The following PTPN5 variants were observed in gnomAD, a reference collection of about 807,000 sequenced individuals.
The protein encoded by PTPN5 is tyrosine-protein phosphatase non-receptor type 5.
A neutral mutation model predicts 73.9 loss-of-function variants in PTPN5; 29 were observed. That is an observed-to-expected ratio of 0.39 (90% CI 0.29 to 0.54). The LOEUF is 0.54. PTPN5 is among the 20% of genes least tolerant of loss of function. PTPN5 has a pLI of 0.65. For missense variants in PTPN5, 652 were observed against 751.4 expected (o/e 0.87, Z 1.55); for synonymous variants, 267 against 304.7 (o/e 0.88, Z 1.29).
intron 2 of PTPN5, among the ~76,000 whole-genome samples, chr11:18,770,947 T>TG (rs1271104393): frequency 6.6e-6 from 1 of 151,818 alleles, no homozygotes. Flanking sequence ...GAGTGGGGGA[T>TG]GGGGGGTGCT....
chr11:18,769,369 A>G (rs1850774343), intron 2 of PTPN5, among the ~76,000 whole-genome samples: 1 of 152,088 alleles, frequency 6.6e-6, no homozygotes, highest in Non-Finnish European at 1.5e-5. Context: ...AGTCTTCTCC[A>G]AGGGGGAGAC....
At chr11:18,784,156 T>C (rs1851565755) in intron 1 of PTPN5, among the ~76,000 whole-genome samples, 1 of 152,140 alleles carries the variant, frequency 6.6e-6, no homozygotes, top group African/African-American at 2.4e-5. Flanking sequence ...GATCCAGCAA[T>C]TCCACTGCGA....
intron 2 of PTPN5, among the ~76,000 whole-genome samples, chr11:18,770,356 T>C (rs1470140207): frequency 6.6e-6 from 1 of 152,222 alleles, no homozygotes; most frequent in Non-Finnish European, 1.5e-5. Flanking sequence ...CTCTATGGGT[T>C]TGCCTATTCT....
At chr11:18,740,321 A>G (rs1039524396) in intron 8 of PTPN5, 8 of 269,516 alleles carry the variant, frequency 3.0e-5, no homozygotes, top group Non-Finnish European at 4.8e-5. Flanking sequence ...ATAAAGACTT[A>G]GCATTGTCAC....
At chr11:18,758,038 G>T (rs191532783) in intron 3 of PTPN5, among the ~76,000 whole-genome samples, 31 of 152,262 alleles carry the variant, frequency 2.0e-4, no homozygotes, top group Admixed American at 1.4e-3. Flanking sequence ...GTGGAAGGTT[G>T]GGGAAAAGAA....
chr11:18,733,316 CG>C lies in PTPN5; in HGVS notation c.1136del (p.Thr379ArgfsTer19). On this transcript the variant is annotated frameshift_variant, in exon 11 of 15. Coordinates refer to ENST00000358540, the MANE Select transcript of PTPN5 (RefSeq NM_006906.2). LOFTEE classifies it high-confidence loss of function. This position sits in a 1 kb window ranked among gnomAD's most constrained non-coding sequence, Gnocchi z 4.3. ...YIATQGPIVS[T>X]VADFWRMVWQ... ...ACACCATGCGCCAGAAGTCGGCGAC[CG>C]TGCTGACGATGGGTCCCTGAGTGGC... 6.2e-7 allele frequency: 1 copy of C among 1,614,154 alleles called. No individual in the cohort carries two copies. Among genetic ancestry groups the C allele is most frequent in the South Asian group, 1.1e-5 (1 of 91,088 alleles).
intron 1 of PTPN5, among the ~76,000 whole-genome samples, chr11:18,788,951 A>C (rs1371121255): frequency 6.6e-6 from 1 of 152,232 alleles, no homozygotes; most frequent in Non-Finnish European, 1.5e-5. Flanking sequence ...TAATTATGAA[A>C]TTCTATTACG....
intron 2 of PTPN5, among the ~76,000 whole-genome samples, chr11:18,770,387 A>G (rs968816379): frequency 3.9e-5 from 6 of 152,226 alleles, no homozygotes; most frequent in African/African-American, 1.4e-4. Context: ...TATAAATGGA[A>G]TCATAAAATA....
chr11:18,745,379 G>A (rs1369577210), intron 3 of PTPN5, among the ~76,000 whole-genome samples: 2 of 152,180 alleles, frequency 1.3e-5, no homozygotes, highest in Admixed American at 6.5e-5. Flanking sequence ...AGACTGTGGT[G>A]CAGAGAACCC....
chr11:18,738,190 G>A (rs1202903660), intron 8 of PTPN5, among the ~76,000 whole-genome samples: 1 of 152,184 alleles, frequency 6.6e-6, no homozygotes, highest in East Asian at 1.9e-4. Flanking sequence ...TTTATGGAGA[G>A]CCAGCCTGCC....
Position 18,745,065 on chromosome 11 carries a change from T to G in PTPN5, c.98-866A>C, listed in dbSNP as rs571183247. Reference sequence around the variant, plus strand: ...CTGCTACTAAAGAGTCTGAATACCATTGGCTTAGATCTGAGCCCCTGGCTA... The same window carrying G: ...CTGCTACTAAAGAGTCTGAATACCAGTGGCTTAGATCTGAGCCCCTGGCTA... On this transcript the variant is annotated intron_variant, in intron 3 of 14. Transcript: ENST00000358540. Among the ~76,000 whole-genome samples the G allele has an allele frequency of 2.2e-4, 33 of 152,214 alleles. 1 individual carries two copies. Among genetic ancestry groups the G allele is most frequent in the Admixed American group, 2.2e-3 (33 of 15,294 alleles).
chr11:18,754,987 G>A (rs1190606950), intron 3 of PTPN5, among the ~76,000 whole-genome samples: 2 of 152,142 alleles, frequency 1.3e-5, no homozygotes, highest in Admixed American at 6.5e-5. Flanking sequence ...TAGTCTTCAT[G>A]ACCAACAGCA....
chr11:18,734,484 A>G (rs992280417), intron 9 of PTPN5, among the ~76,000 whole-genome samples: 1 of 152,014 alleles, frequency 6.6e-6, no homozygotes, highest in Non-Finnish European at 1.5e-5. Flanking sequence ...ACCTGGCTAA[A>G]TTTATTTTTT....
At position 18,770,877 on chromosome 11, in the gene PTPN5, T is replaced by C. The variant is rs143968337; in HGVS notation, c.20+1062A>G. Among the ~76,000 whole-genome samples, 1,019 of 152,286 alleles carry C rather than the reference T, an allele frequency of 6.7e-3. 19 individuals carry two copies. The highest frequency in any genetic ancestry group is 0.024 in the Middle Eastern group (7 of 292). On this transcript the variant is annotated intron_variant, in intron 2 of 14. Transcript: ENST00000358540. ...GCCAGTGCAGAAGATACAGAACAGC[T>C]GCTGCCGTGGGCTGGGTGAAGTGTT...
rs114799942 is a variant in PTPN5, at chr11:18,778,741, C to A, written c.-113-6670G>T. Among the ~76,000 whole-genome samples the A allele has an allele frequency of 9.0e-3, 1,366 of 152,250 alleles. 20 individuals are homozygous for A. Among genetic ancestry groups the A allele is most frequent in the African/African-American group, 0.031 (1,280 of 41,548 alleles). The stretch of plus-strand genomic sequence containing the variant: ...CTTCCTGTACAGGCTGGCCATGTGC[C>A]AATTAAACCTCTTTTCTTTATAAAT... On this transcript the variant is annotated intron_variant, in intron 1 of 14. Coordinates refer to ENST00000358540, the MANE Select transcript of PTPN5 (RefSeq NM_006906.2).
chr11:18,746,560 C>T (rs1393806283), intron 3 of PTPN5, among the ~76,000 whole-genome samples: 1 of 137,190 alleles, frequency 7.3e-6, no homozygotes, highest in Non-Finnish European at 1.6e-5. Context: ...AGTAAGTACC[C>T]AATAAATGGC....
At chr11:18,757,511 T>C (rs1418933358) in intron 3 of PTPN5, among the ~76,000 whole-genome samples, 1 of 152,232 alleles carries the variant, frequency 6.6e-6, no homozygotes, top group Non-Finnish European at 1.5e-5. Flanking sequence ...CCAGATTCCC[T>C]GGTCAAATGC....
chr11:18,787,247 TATA>T (rs1470265606), intron 1 of PTPN5, among the ~76,000 whole-genome samples: 10 of 152,344 alleles, frequency 6.6e-5, no homozygotes, highest in Non-Finnish European at 1.3e-4. Context: ...CTTACTATGG[TATA>T]ATATCTTTAT....
Position 18,733,198 on chromosome 11 carries a change from T to C in PTPN5, c.1218+37A>G, listed in dbSNP as rs747404724. On this transcript the variant is annotated intron_variant, in intron 11 of 14. Coordinates refer to ENST00000358540, the MANE Select transcript of PTPN5 (RefSeq NM_006906.2). This position sits in a 1 kb window ranked among gnomAD's most constrained non-coding sequence, Gnocchi z 4.3. ...ACAAGATACTTAGTGTAGGGCGCAATGTAGCAGACACTTAGAATGGGGACG... is the reference window on the plus strand; with the variant it reads ...ACAAGATACTTAGTGTAGGGCGCAACGTAGCAGACACTTAGAATGGGGACG... 1.9e-6 allele frequency: 3 copies of C among 1,598,628 alleles called. No homozygotes were observed. Among genetic ancestry groups the C allele is most frequent in the Middle Eastern group, 1.7e-4 (1 of 6,012 alleles).
Sources: gnomAD v4.1 joint callset for allele counts (sites outside exome capture counted in the v4.1 genomes callset) on GRCh38, gnomAD v4.1.1 for gene constraint, Gnocchi (gnomAD v3.1) non-coding constraint, MANE v1.5 for transcripts, NCBI Gene and HGNC (gene_info 2026-07-23, HGNC 2026-07-21) for gene names.